The following FANCA variants were observed in gnomAD, a reference collection of about 807,000 sequenced individuals.
The protein encoded by FANCA is FA complementation group A, also known as Fanconi anemia group A protein.
A neutral mutation model predicts 194.3 loss-of-function variants in FANCA; 236 were observed. The ratio of observed to expected loss-of-function variants is 1.21; its 90% CI spans 1.09 to 1.35. The LOEUF (loss-of-function observed/expected upper bound fraction) is 1.35. FANCA is among the 40% of genes most tolerant of loss of function. FANCA has a pLI of 0.00. For missense variants in FANCA, 2,628 were observed against 1,813.9 expected (o/e 1.45, Z -8.15); for synonymous variants, 1,014 against 715.8 (o/e 1.42, Z -6.65).
rs781769276 is a variant in FANCA, at chr16:89,814,634, A to C, written c.190-21T>G. ...TCTACCTAGAATCCAAAACACAACA[A>C]ACTCCATTTAAAAAATTCAAGCTCC... On this transcript the variant is annotated intron_variant, in intron 2 of 42. Transcript: ENST00000389301. The C allele has an allele frequency of 7.0e-6, 11 of 1,571,912 alleles. No individual in the cohort carries two copies. The South Asian group carries it at 8.9e-5, about 13-fold the overall frequency.
chr16:89,782,728 A>C (rs2039762221), intron 17 of FANCA, 131 bp downstream of exon 17: 2 of 780,002 alleles, frequency 2.6e-6, no homozygotes, highest in Non-Finnish European at 4.4e-6. Flanking sequence ...CCTCGCCCCC[A>C]GCTGCGCCCG....
At position 89,765,053 on chromosome 16, in the gene FANCA, A is replaced by G. The variant is rs778027728; in HGVS notation, c.2615T>C (p.Met872Thr). Residue 872 changes from methionine to threonine, a missense_variant, in exon 28 of 43, where the codon ATG becomes ACG. Transcript: ENST00000389301. The stretch of plus-strand genomic sequence containing the variant: ...TCGGGCCTCTGAGAACAATCTGAAC[A>G]TGAGGAACTGAAACTGAAACAGAGA... ...PGLIKKFQFL[M>T]FRLFSEARQP... 4.3e-6 allele frequency: 7 copies of G among 1,614,186 alleles called. No individual in the cohort carries two copies. In the South Asian group the frequency reaches 5.5e-5, roughly 13 times the overall value.
At chr16:89,757,869 C>G (rs1042010810) in intron 30 of FANCA, among the ~76,000 whole-genome samples, 5 of 152,126 alleles carry the variant, frequency 3.3e-5, no homozygotes, top group Non-Finnish European at 7.3e-5. Context: ...AGAAAAACAA[C>G]GTTGTTGCTA....
intron 37 of FANCA, among the ~76,000 whole-genome samples, chr16:89,742,509 C>CA (rs1473931306): frequency 3.9e-5 from 6 of 152,104 alleles, no homozygotes; most frequent in African/African-American, 1.2e-4. Context: ...ACTTGATAGT[C>CA]AAAGTCTTAC....
intron 11 of FANCA, among the ~76,000 whole-genome samples, 176 bp downstream of exon 11, chr16:89,795,730 A>T (rs1441326061): frequency 6.6e-6 from 1 of 152,232 alleles, no homozygotes; most frequent in Non-Finnish European, 1.5e-5. Context: ...TGTTGCTTTC[A>T]GGTAAAAGGA....
chr16:89,755,251 C>T (rs2038729671), intron 30 of FANCA, among the ~76,000 whole-genome samples: 1 of 151,888 alleles, frequency 6.6e-6, no homozygotes. Flanking sequence ...CACTCTGTCG[C>T]CCAGGCTGGA....
chr16:89,760,252 C>A (rs2038906912), intron 29 of FANCA, among the ~76,000 whole-genome samples: 1 of 152,230 alleles, frequency 6.6e-6, no homozygotes, highest in African/African-American at 2.4e-5. Flanking sequence ...GTGAAGGAAG[C>A]GCCTGCAGAG....
intron 28 of FANCA, among the ~76,000 whole-genome samples, chr16:89,764,413 C>A (rs1350854724): frequency 1.3e-5 from 2 of 152,058 alleles, no homozygotes; most frequent in South Asian, 2.1e-4. Flanking sequence ...CAAGTGATTT[C>A]TCTTGCCTCA....
intron 26 of FANCA, among the ~76,000 whole-genome samples, chr16:89,767,694 G>A (rs1346125306): frequency 6.6e-6 from 1 of 152,128 alleles, no homozygotes; most frequent in Admixed American, 6.6e-5. Context: ...GACTACAGGT[G>A]CCAGCCTCCA....
In FANCA at chr16:89,740,841, GAGA is replaced by G. The variant is rs397507553; in HGVS notation, c.3788_3790del (p.Phe1263del). 1.0e-4 allele frequency: 164 copies of G among 1,613,544 alleles called. No homozygotes were observed. Among genetic ancestry groups the G allele is most frequent in the Admixed American group, 1.8e-4 (11 of 59,956 alleles). On this transcript the variant is annotated inframe_deletion, in exon 38 of 43. Transcript: ENST00000389301. ...ATGTGACGACAGCAGGCCCATCAAG[GAGA>G]AGAAGAAAAGGAAAACCAATAGCTG...
intron 6 of FANCA, among the ~76,000 whole-genome samples, chr16:89,807,243 G>C (rs533015068): frequency 1.0e-4 from 15 of 146,200 alleles, no homozygotes; most frequent in Admixed American, 3.5e-4. Flanking sequence ...AGGATCACAA[G>C]ATCAGGAGTT....
At chr16:89,770,454 C>T (rs1301612737) in intron 24 of FANCA, 110 bp downstream of exon 24, 14 of 1,132,256 alleles carry the variant, frequency 1.2e-5, no homozygotes, top group African/African-American at 1.1e-4. Context: ...TCAGCATCGC[C>T]GCATGCTCCT....
chr16:89,739,407 G>A, intron 40 of FANCA, 71 bp downstream of exon 40: 1 of 1,558,606 alleles, frequency 6.4e-7, no homozygotes, highest in Middle Eastern at 2.0e-4. Context: ...CATCTGGCGG[G>A]ACCCAGAGGT....
At chr16:89,765,114 T>C in intron 27 of FANCA, 48 bp from the exon 28 acceptor site, 1 of 1,598,346 alleles carries the variant, frequency 6.3e-7, no homozygotes, top group Non-Finnish European at 8.6e-7. Flanking sequence ...CAAGTTTCAC[T>C]GTGAGTGGCT....
Position 89,738,864 on chromosome 16 carries a change from T to G in FANCA, c.4260+18A>C. ...CTCATGTCCCCCACATGGCCCAAGG[T>G]GGGCATCTTGACGTTACCTCTGCCA... On this transcript the variant is annotated intron_variant, in intron 42 of 42. Transcript: ENST00000389301. 1 of 1,614,230 alleles carries G rather than the reference T, an allele frequency of 6.2e-7. No individual in the cohort carries two copies. The highest frequency in any genetic ancestry group is 8.5e-7 in the Non-Finnish European group (1 of 1,180,036).
rs751813860 is a variant in FANCA, at chr16:89,791,910, C to G, written c.1225+17G>C. ...CACACTCTTGACCAGCACCACCGGG[C>G]TCGCGTAAAAGCTCACCTTCAAGCA... On this transcript the variant is annotated intron_variant, in intron 13 of 42. Coordinates refer to ENST00000389301, the MANE Select transcript of FANCA (RefSeq NM_000135.4). 8 of 1,613,962 alleles carry G rather than the reference C, an allele frequency of 5.0e-6. No homozygotes were observed. In the African/African-American group the frequency reaches 6.7e-5, roughly 13 times the overall value.
intron 17 of FANCA, among the ~76,000 whole-genome samples, chr16:89,781,807 G>A (rs923143970): frequency 2.0e-5 from 3 of 151,596 alleles, no homozygotes; most frequent in African/African-American, 4.8e-5. Context: ...AGACCATACT[G>A]GCTAACGTGG....
At chr16:89,744,620 C>G (rs2062203069) in intron 36 of FANCA, 1 of 370,184 alleles carries the variant, frequency 2.7e-6, no homozygotes, top group South Asian at 2.2e-5. Context: ...AGACGGGAGC[C>G]TGGGAGAGGC....
At chr16:89,746,799 A>C (rs1476918372) in intron 34 of FANCA, 32 bp downstream of exon 34, 5 of 1,573,786 alleles carry the variant, frequency 3.2e-6, no homozygotes, top group East Asian at 2.3e-5. Flanking sequence ...CGTTCTGAGA[A>C]GGCCACGAGA....
Sources: allele counts gnomAD v4.1 joint callset (sites outside exome capture counted in the v4.1 genomes callset), GRCh38; gene constraint gnomAD v4.1.1; transcripts MANE v1.5; gene names NCBI Gene and HGNC (gene_info 2026-07-23, HGNC 2026-07-21).